The following BLTP1 variants were observed in gnomAD, a reference collection of about 807,000 sequenced individuals.
BLTP1 encodes bridge-like lipid transfer protein family member 1.
chr4:122,315,887 T>C, the BLTP1 span, among the ~76,000 whole-genome samples: 1 of 152,190 alleles, frequency 6.6e-6, no homozygotes, highest in African/African-American at 2.4e-5. Flanking sequence ...ATCCAACTTG[T>C]GCTTTAACCT....
the BLTP1 span, among the ~76,000 whole-genome samples, chr4:122,351,805 G>A: frequency 3.3e-5 from 5 of 152,030 alleles, no homozygotes; most frequent in Middle Eastern, 3.4e-3. Context: ...AAAACTCCTC[G>A]TCACAAAAAA....
the BLTP1 span, chr4:122,200,357 C>A: frequency 2.5e-6 from 2 of 803,350 alleles, no homozygotes; most frequent in African/African-American, 3.7e-5. Context: ...GCAGGCGGAT[C>A]ACTTGAGGTC....
the BLTP1 span, chr4:122,220,337 G>C: frequency 1.2e-6 from 2 of 1,612,748 alleles, no homozygotes; most frequent in Non-Finnish European, 1.7e-6. Flanking sequence ...CTGTAGCATG[G>C]AACTACTGAT....
chr4:122,338,626 C>T, the BLTP1 span, among the ~76,000 whole-genome samples: 1 of 151,194 alleles, frequency 6.6e-6, no homozygotes, highest in Non-Finnish European at 1.5e-5. Flanking sequence ...CTACCCCTGC[C>T]CCCTACCATG....
At chr4:122,199,327 C>T in the BLTP1 span, 1 of 1,603,260 alleles carries the variant, frequency 6.2e-7, no homozygotes. Flanking sequence ...AATTGTTTTC[C>T]TGGTTCTTAG....
the BLTP1 span, among the ~76,000 whole-genome samples, chr4:122,185,727 G>C: frequency 6.6e-6 from 1 of 151,952 alleles, no homozygotes; most frequent in African/African-American, 2.4e-5. Flanking sequence ...TAGGGTAAAG[G>C]TGTACTTTTA....
the BLTP1 span, chr4:122,184,803 C>A: frequency 1.4e-3 from 1,353 of 985,248 alleles, 12 homozygotes; most frequent in African/African-American, 0.023. Flanking sequence ...ATTTCATACT[C>A]TCTCAGAATA....
the BLTP1 span, chr4:122,190,578 T>C: frequency 1.6e-6 from 1 of 636,002 alleles, no homozygotes; most frequent in Non-Finnish European, 2.0e-6. Context: ...TTTAGTATTA[T>C]AGATTAAAAG....
the BLTP1 span, chr4:122,161,190 G>A: frequency 1.1e-6 from 1 of 913,552 alleles, no homozygotes. Context: ...ATAATGGTGT[G>A]AAGATTTGTG....
the BLTP1 span, among the ~76,000 whole-genome samples, chr4:122,294,356 T>C: frequency 1.3e-5 from 2 of 152,222 alleles, no homozygotes; most frequent in East Asian, 3.9e-4. Flanking sequence ...GAGTGTTCGG[T>C]CCAGCATTAG....
chr4:122,195,281 G>T, the BLTP1 span, among the ~76,000 whole-genome samples: 1 of 152,134 alleles, frequency 6.6e-6, no homozygotes, highest in African/African-American at 2.4e-5. Context: ...TTACATGGTT[G>T]TCTGAATATT....
the BLTP1 span, chr4:122,219,545 A>G: frequency 3.1e-6 from 5 of 1,613,812 alleles, no homozygotes; most frequent in South Asian, 2.2e-5. Flanking sequence ...AATTTGTACA[A>G]AGTTCATGGG....
At chr4:122,286,372 T>A in the BLTP1 span, 1 of 866,836 alleles carries the variant, frequency 1.2e-6, no homozygotes, top group African/African-American at 1.8e-5. Flanking sequence ...ACTTGCGTAT[T>A]TAAAGATAGG....
At chr4:122,354,698 G>T in the BLTP1 span, among the ~76,000 whole-genome samples, 2 of 139,710 alleles carry the variant, frequency 1.4e-5, no homozygotes, top group African/African-American at 2.7e-5. Context: ...ACAGAGTCTT[G>T]CTCTGTTGCC....
chr4:122,208,193 A>G, the BLTP1 span: 285 of 787,674 alleles, frequency 3.6e-4, 3 homozygotes, highest in African/African-American at 4.7e-3. Context: ...CATAGACACT[A>G]TTCCATGTGC....
the BLTP1 span, among the ~76,000 whole-genome samples, chr4:122,280,927 C>T: frequency 6.6e-6 from 1 of 152,226 alleles, no homozygotes; most frequent in African/African-American, 2.4e-5. Flanking sequence ...TTAAAATGCT[C>T]CAAGGAGCTT....
At chr4:122,179,881 T>C in the BLTP1 span, 1 of 985,318 alleles carries the variant, frequency 1.0e-6, no homozygotes, top group African/African-American at 1.7e-5. Flanking sequence ...GTATCCTCCC[T>C]GCCCCCCACA....
chr4:122,242,733 C>G, the BLTP1 span, among the ~76,000 whole-genome samples: 1 of 152,138 alleles, frequency 6.6e-6, no homozygotes, highest in Admixed American at 6.5e-5. Context: ...AAAAGAAACT[C>G]TGGAGGAAAG....
the BLTP1 span, chr4:122,201,154 T>G: frequency 6.5e-7 from 1 of 1,541,884 alleles, no homozygotes; most frequent in Non-Finnish European, 8.9e-7. Flanking sequence ...ATAAATACAG[T>G]GAGATTTATC....
Sources: gnomAD v4.1 joint callset for allele counts (sites outside exome capture counted in the v4.1 genomes callset) on GRCh38, gnomAD v4.1.1 for gene constraint, MANE v1.5 for transcripts, NCBI Gene and HGNC (gene_info 2026-07-23, HGNC 2026-07-21) for gene names.